The following CFAP61 variants were observed in gnomAD, a reference collection of about 807,000 sequenced individuals.
The protein encoded by CFAP61 is cilia- and flagella-associated protein 61.
CFAP61 carries 107 observed loss-of-function variants against 135.6 expected under a neutral mutation model. The observed-to-expected ratio is 0.79, with a 90% CI of 0.67 to 0.93. The LOEUF (loss-of-function observed/expected upper bound fraction) is 0.93. Ranked by LOEUF, CFAP61 falls within the 40% of genes least tolerant of loss-of-function variation. The pLI is 0.00. For missense variants in CFAP61, 1,507 were observed against 1,556.2 expected (o/e 0.97, Z 0.53); for synonymous variants, 575 against 578.5 (o/e 0.99, Z 0.09).
intron 6 of CFAP61, among the ~76,000 whole-genome samples, chr20:20,089,086 G>T (rs1568872786): frequency 6.6e-6 from 1 of 152,098 alleles, no homozygotes; most frequent in South Asian, 2.1e-4. Flanking sequence ...CCCTAGCCAA[G>T]GACTCCCCTC....
chr20:20,184,237 TA>T (rs950976989), intron 13 of CFAP61, among the ~76,000 whole-genome samples: 2 of 152,272 alleles, frequency 1.3e-5, no homozygotes, highest in South Asian at 4.1e-4. Context: ...TTATTATATG[TA>T]AAAAAACATG....
Position 20,360,320 on chromosome 20 carries a change from C to A in CFAP61, c.3624C>A (p.Ile1208=). 6.2e-7 allele frequency: 1 copy of A among 1,613,896 alleles called. No individual in the cohort carries two copies. Among genetic ancestry groups the A allele is most frequent in the South Asian group, 1.1e-5 (1 of 91,076 alleles). ...TCAAAAGAGTTTTTGAGGAATCCAT[C>A]TACAAAACCCTGGTGGAGAGAAGCA... is the stretch of plus-strand genomic sequence containing the variant. The part of the protein sequence containing the change: ...QYLKRVFEES[I]YKTLVERSTL... The change falls in exon 27 of 27, where the codon ATC becomes ATA. Residue 1208 remains isoleucine, a synonymous_variant. Transcript: ENST00000245957.
chr20:20,203,584 G>A (rs1224831385), intron 17 of CFAP61, among the ~76,000 whole-genome samples: 5 of 151,946 alleles, frequency 3.3e-5, no homozygotes, highest in Non-Finnish European at 5.9e-5. Flanking sequence ...TGTAAAATGG[G>A]GTATCCATCC....
chr20:20,073,654 C>T (rs769667192), intron 3 of CFAP61, among the ~76,000 whole-genome samples: 23 of 152,246 alleles, frequency 1.5e-4, no homozygotes, highest in Middle Eastern at 3.4e-3. Context: ...TTATTTAGGC[C>T]ACTTTAAAAG....
chr20:20,336,046 G>A (rs1452332203), intron 25 of CFAP61, among the ~76,000 whole-genome samples: 3 of 152,186 alleles, frequency 2.0e-5, no homozygotes, highest in Non-Finnish European at 2.9e-5. Context: ...GATGAAATGA[G>A]ATAATGCACA....
chr20:20,168,684 C>G (rs892445347), intron 12 of CFAP61, among the ~76,000 whole-genome samples: 4 of 152,116 alleles, frequency 2.6e-5, no homozygotes, highest in Admixed American at 6.5e-5. Flanking sequence ...AGCCACATTT[C>G]ATTGTCTACT....
At chr20:20,177,553 C>A (rs1244487270) in intron 13 of CFAP61, among the ~76,000 whole-genome samples, 1 of 151,662 alleles carries the variant, frequency 6.6e-6, no homozygotes, top group Non-Finnish European at 1.5e-5. Context: ...CCCAGAGACC[C>A]CAGCAAAGCC....
At chr20:20,073,423 G>T (rs2045857821) in intron 3 of CFAP61, among the ~76,000 whole-genome samples, 1 of 152,158 alleles carries the variant, frequency 6.6e-6, no homozygotes, top group Non-Finnish European at 1.5e-5. Flanking sequence ...TGGGGACAAG[G>T]CACACAGAAG....
chr20:20,256,089 T>C (rs1402807091), intron 20 of CFAP61, among the ~76,000 whole-genome samples: 3 of 152,188 alleles, frequency 2.0e-5, no homozygotes, highest in African/African-American at 4.8e-5. Flanking sequence ...TGCAAGGCAC[T>C]GGGCATGTGA....
intron 8 of CFAP61, among the ~76,000 whole-genome samples, chr20:20,122,680 G>A (rs1273471143): frequency 6.6e-6 from 1 of 152,182 alleles, no homozygotes. Context: ...GGCAATTTGG[G>A]TTGGTTCCAT....
intron 6 of CFAP61, 82 bp downstream of exon 6, chr20:20,075,697 A>G (rs1324218211): frequency 4.0e-6 from 6 of 1,507,984 alleles, no homozygotes; most frequent in Non-Finnish European, 5.4e-6. Context: ...TACCAATGCT[A>G]AGTGACTATA....
rs190435252 is a variant in CFAP61 at position 20,320,620 on chromosome 20, G to A, written c.3423-21211G>A. Among the ~76,000 whole-genome samples the A allele has an allele frequency of 3.7e-3, 535 of 144,158 alleles. 3 individuals are homozygous for A. The highest frequency in any genetic ancestry group is 7.0e-3 in the Middle Eastern group (2 of 284). 94.6% of individuals were successfully genotyped at this position (144,158 alleles called of 152,430 possible). A position where few individuals can be genotyped will look rare whatever the true frequency, so the allele number is the denominator to read the frequency against. On this transcript the variant is annotated intron_variant, in intron 25 of 26. Transcript: ENST00000245957. ...TGGAGACATGCTTCAAGATAACCCA[G>A]GAGGGAGAATGGTAGAAGGAACTAG...
intron 25 of CFAP61, among the ~76,000 whole-genome samples, chr20:20,327,311 C>A (rs929741197): frequency 6.6e-6 from 1 of 151,974 alleles, no homozygotes; most frequent in African/African-American, 2.4e-5. Context: ...GAGATAGTGC[C>A]CACCCTTGTC....
At chr20:20,152,944 A>G (rs751138282) in intron 9 of CFAP61, among the ~76,000 whole-genome samples, 11 of 152,212 alleles carry the variant, frequency 7.2e-5, no homozygotes, top group South Asian at 2.1e-4. Context: ...CACATGGAAC[A>G]TTCTCCAAGA....
Position 20,063,348 on chromosome 20 carries a change from A to G in CFAP61, c.143+6552A>G, listed in dbSNP as rs531964914. Among the ~76,000 whole-genome samples, 17 of 152,344 alleles carry G rather than the reference A, an allele frequency of 1.1e-4. 2 individuals are homozygous for G. In the Middle Eastern group the frequency reaches 0.01, roughly 91 times the overall value. ...AATTAATGTTCATGCCTTGCTCATGAACATGGATGTAAAAATTCAAAAAAA... is the reference window on the plus strand; with the variant it reads ...AATTAATGTTCATGCCTTGCTCATGGACATGGATGTAAAAATTCAAAAAAA... On this transcript the variant is annotated intron_variant, in intron 2 of 26. Transcript: ENST00000245957.
At chr20:20,356,411 C>CTGAGGAGAGGTGGTCATAGTG (rs2059168689) in intron 26 of CFAP61, among the ~76,000 whole-genome samples, 2 of 149,078 alleles carry the variant, frequency 1.3e-5, no homozygotes, top group Non-Finnish European at 3.0e-5. Context: ...GGTGGTCACA[C>CTGAGGAGAGGTGGTCATAGTG]TGAGGGGAGG....
At chr20:20,269,143 A>ATG (rs2053074811) in intron 21 of CFAP61, among the ~76,000 whole-genome samples, 1 of 91,598 alleles carries the variant, frequency 1.1e-5, no homozygotes. Flanking sequence ...ATATATATAT[A>ATG]TATACACACA....
intron 17 of CFAP61, among the ~76,000 whole-genome samples, chr20:20,205,257 GGAGTTTCTCATC>G (rs1343779520): frequency 1.3e-5 from 2 of 152,138 alleles, no homozygotes; most frequent in Non-Finnish European, 2.9e-5. Context: ...GAATTCCCAT[GGAGTTTCTCATC>G]TAGTCCTCTC....
At chr20:20,156,495 A>C (rs1042713971) in intron 9 of CFAP61, among the ~76,000 whole-genome samples, 2 of 152,274 alleles carry the variant, frequency 1.3e-5, no homozygotes, top group South Asian at 4.1e-4. Flanking sequence ...GCCTTTTCTC[A>C]CCACTTCTAA....
Sources: allele counts gnomAD v4.1 joint callset (sites outside exome capture counted in the v4.1 genomes callset), GRCh38; gene constraint gnomAD v4.1.1; transcripts MANE v1.5; gene names NCBI Gene and HGNC (gene_info 2026-07-23, HGNC 2026-07-21).